The following EPYC variants were observed in gnomAD, a reference collection of about 807,000 sequenced individuals.
The protein encoded by EPYC is epiphycan.
A neutral mutation model predicts 30.1 loss-of-function variants in EPYC; 28 were observed. That is an observed-to-expected ratio of 0.93 (90% confidence interval 0.69 to 1.28). The LOEUF (loss-of-function observed/expected upper bound fraction) is 1.28, where lower values mean the gene tolerates loss of function less well. Ranked by LOEUF, EPYC falls within the 50% of genes most tolerant of loss-of-function variation. The pLI, the probability that EPYC is intolerant of heterozygous loss-of-function variation, is 0.00. For missense variants in EPYC, 382 were observed against 383.5 expected (o/e 1.00, Z 0.03); for synonymous variants, 144 against 141.4 (o/e 1.02, Z -0.13).
intron 2 of EPYC, among the ~76,000 whole-genome samples, chr12:90,979,698 G>T (rs978287274): frequency 6.6e-6 from 1 of 152,004 alleles, no homozygotes; most frequent in African/African-American, 2.4e-5. Flanking sequence ...GGTTCCATTT[G>T]TTTTCTGCAT....
At chr12:90,971,240 CT>C in intron 5 of EPYC, among the ~76,000 whole-genome samples, 1 of 152,174 alleles carries the variant, frequency 6.6e-6, no homozygotes, top group East Asian at 1.9e-4. Flanking sequence ...TAGCCACCAA[CT>C]TCTTATTCTG....
intron 6 of EPYC, among the ~76,000 whole-genome samples, chr12:90,967,416 A>G (rs1172850315): frequency 6.6e-6 from 1 of 151,870 alleles, no homozygotes; most frequent in Non-Finnish European, 1.5e-5. Context: ...CTTAAATTTT[A>G]TTTTTTGTTG....
intron 2 of EPYC, among the ~76,000 whole-genome samples, chr12:90,998,199 G>A (rs1056117775): frequency 6.6e-6 from 1 of 152,018 alleles, no homozygotes; most frequent in African/African-American, 2.4e-5. Flanking sequence ...GCTCACTTAA[G>A]GTTAGCTGTA....
chr12:90,971,386 G>GAAGT (rs1877039523), intron 5 of EPYC, among the ~76,000 whole-genome samples: 1 of 152,048 alleles, frequency 6.6e-6, no homozygotes, highest in African/African-American at 2.4e-5. Flanking sequence ...TCCCCTTATA[G>GAAGT]AAGTTGAGCA....
rs368409503 is a variant in EPYC at position 90,971,793 on chromosome 12, A to G, written c.702+7T>C. On this transcript the variant is annotated splice_region_variant and intron_variant, in intron 5 of 6. Coordinates refer to ENST00000261172, the MANE Select transcript of EPYC (RefSeq NM_004950.5). ...ATAAAAGTCTGCATATCAAACTTAA[A>G]ACTTACTTTAAATGCTTCTTGCTTT... The G allele has an allele frequency of 1.3e-6, 2 of 1,555,420 alleles. No individual in the cohort carries two copies. The highest frequency in any genetic ancestry group is 1.7e-6 in the Non-Finnish European group (2 of 1,151,684).
chr12:91,002,976 C>T (rs901002067), intron 1 of EPYC, among the ~76,000 whole-genome samples: 1 of 152,080 alleles, frequency 6.6e-6, no homozygotes, highest in Non-Finnish European at 1.5e-5. Context: ...GTGATGATGA[C>T]TGCAACTGTC....
rs1876831844 is a variant in EPYC, at chr12:90,964,164, G to C, written c.961C>G (p.Leu321Val). Reference sequence around the variant, plus strand: ...CTAACCATTATCTGAAATTAGACAAGGCTCCCAACAGGCAGACGAGGTAGA... The same window carrying C: ...CTAACCATTATCTGAAATTAGACAACGCTCCCAACAGGCAGACGAGGTAGA... ...MCLPRLPVGS[L>V]V The change falls in exon 7 of 7, where the codon CTT becomes GTT. Residue 321 changes from leucine to valine, a missense_variant. Transcript: ENST00000261172. 1 of 1,610,620 alleles carries C rather than the reference G, an allele frequency of 6.2e-7. No homozygotes were observed. The highest frequency in any genetic ancestry group is 8.5e-7 in the Non-Finnish European group (1 of 1,177,880).
intron 5 of EPYC, 40 bp from the exon 6 acceptor site, chr12:90,970,179 A>G (rs977150728): frequency 1.4e-6 from 2 of 1,394,008 alleles, no homozygotes; most frequent in Non-Finnish European, 2.0e-6. Flanking sequence ...TAAAAACTCA[A>G]TAAAAACTCA....
rs1877206566 is a variant in EPYC at position 90,977,164 on chromosome 12, G to T, written c.340+924C>A. Among the ~76,000 whole-genome samples the T allele has an allele frequency of 2.6e-5, 4 of 152,030 alleles. No homozygotes were observed. The South Asian group carries it at 8.3e-4, about 31-fold the overall frequency. On this transcript the variant is annotated intron_variant, in intron 3 of 6. Transcript: ENST00000261172. ...GTGTCTACAGAACTTGGAATACAGA[G>T]ACACTCTACATTCACTCAACCTTTG...
At chr12:91,001,937 C>T (rs1013230013) in intron 2 of EPYC, among the ~76,000 whole-genome samples, 1 of 151,558 alleles carries the variant, frequency 6.6e-6, no homozygotes, top group African/African-American at 2.4e-5. Flanking sequence ...ACCTGTAATC[C>T]CAGCATTTGG....
chr12:91,003,253 G>A (rs922347802), intron 1 of EPYC, among the ~76,000 whole-genome samples: 3 of 151,870 alleles, frequency 2.0e-5, no homozygotes, highest in Admixed American at 6.6e-5. Flanking sequence ...TAATATGTAC[G>A]TTAGTATTTC....
chr12:90,994,348 A>G (rs1043491024), intron 2 of EPYC, among the ~76,000 whole-genome samples: 1 of 152,186 alleles, frequency 6.6e-6, no homozygotes, highest in South Asian at 2.1e-4. Context: ...GCTATGTACC[A>G]GGTTCTGTAT....
intron 6 of EPYC, among the ~76,000 whole-genome samples, chr12:90,969,118 C>G (rs1371841190): frequency 6.6e-6 from 1 of 151,368 alleles, no homozygotes; most frequent in East Asian, 1.9e-4. Context: ...AGAAAAGGCA[C>G]AAAGGTAAAT....
In EPYC at chr12:91,004,934, T is replaced by C. The variant is rs893028847; in HGVS notation, c.-14+13A>G. On this transcript the variant is annotated intron_variant, in intron 1 of 6. Transcript: ENST00000261172. ...AACTCTGACCCAAGAAGAAAGCAAG[T>C]ATAAAAACTTACCTTTGGCTCTGAC... 1.3e-5 allele frequency: 2 copies of C among 151,916 alleles called. No homozygotes were observed. Among genetic ancestry groups the C allele is most frequent in the Non-Finnish European group, 2.9e-5 (2 of 67,954 alleles). The allele number at this position is 151,916 out of a possible 1,614,324, so 9.4% of individuals were successfully genotyped here.
chr12:91,003,310 A>T (rs1163856196), intron 1 of EPYC, among the ~76,000 whole-genome samples: 1 of 152,052 alleles, frequency 6.6e-6, no homozygotes, highest in South Asian at 2.1e-4. Flanking sequence ...ATAGAAAAAA[A>T]ATTTCCTTTA....
intron 6 of EPYC, among the ~76,000 whole-genome samples, chr12:90,964,985 A>C (rs1468983045): frequency 2.0e-5 from 3 of 152,140 alleles, no homozygotes; most frequent in African/African-American, 7.2e-5. Context: ...TCTAATTTTA[A>C]AGCATTTTCA....
At chr12:90,983,633 C>G (rs1877377893) in intron 2 of EPYC, among the ~76,000 whole-genome samples, 1 of 152,102 alleles carries the variant, frequency 6.6e-6, no homozygotes, top group African/African-American at 2.4e-5. Flanking sequence ...GAGGAACTCT[C>G]AAAGTCACAT....
At chr12:90,976,490 A>T (rs191583974) in intron 3 of EPYC, among the ~76,000 whole-genome samples, 241 of 152,186 alleles carry the variant, frequency 1.6e-3, no homozygotes, top group Non-Finnish European at 2.4e-3. Flanking sequence ...CTTACTCAAG[A>T]CTATAAAAAC....
chr12:91,000,607 A>C (rs1477061131), intron 2 of EPYC, among the ~76,000 whole-genome samples: 1 of 151,622 alleles, frequency 6.6e-6, no homozygotes, highest in Non-Finnish European at 1.5e-5. Context: ...TCTATTGTGT[A>C]TTTGGACTTG....
Sources: gnomAD v4.1 joint callset for allele counts (sites outside exome capture counted in the v4.1 genomes callset) on GRCh38, gnomAD v4.1.1 for gene constraint, MANE v1.5 for transcripts, NCBI Gene and HGNC (gene_info 2026-07-23, HGNC 2026-07-21) for gene names.